Variants in PCDHA12 observed in about 807,000 individuals in gnomAD.
PCDHA12 encodes the protein protocadherin alpha 12.
In PCDHA12, 44 loss-of-function variants were observed where a neutral mutation model predicts 60.0. The ratio of observed to expected loss-of-function variants is 0.73; its 90% confidence interval spans 0.58 to 0.94. PCDHA12 has a LOEUF of 0.94. Ranked by LOEUF, PCDHA12 falls within the 40% of genes least tolerant of loss-of-function variation. The probability of loss-of-function intolerance (pLI) is 0.00; values close to 1 mark genes in which losing one functional copy is unlikely to be tolerated. For synonymous variants in PCDHA12, 569 were observed against 553.0 expected (o/e 1.03, Z -0.40); for missense variants, 1,276 against 1,239.7 (o/e 1.03, Z -0.44).
At position 140,877,317 on chromosome 5, in the gene PCDHA12, G is replaced by A. The variant is rs535177109; in HGVS notation, c.1845G>A (p.Ala615=). Residue 615 remains alanine (A), a synonymous_variant, in exon 1 of 4, where the codon GCG becomes GCA. Transcript: ENST00000398631. ...TGTCCTACGAGTTGCAACCGGCGGC[G>A]GTCGGCGCGCACATCCCGTTCCACG... ...AWLSYELQPA[A]VGAHIPFHVG... 6.2e-7 allele frequency: 1 copy of A among 1,613,886 alleles called. No homozygotes were observed.
rs533995955 is a variant in PCDHA12, at chr5:140,975,833, A to T, written c.2368-3116A>T. On this transcript the variant is annotated intron_variant, in intron 1 of 3. Coordinates refer to ENST00000398631, the MANE Select transcript of PCDHA12 (RefSeq NM_018903.4). ...TTAATAGGAACTGAAGTGTATTCTT[A>T]TTCTTCAGTAATACTACATCACCCA... 2.6e-5 allele frequency among the ~76,000 whole-genome samples: 4 copies of T among 152,336 alleles called. No individual in the cohort carries two copies. In the South Asian group the frequency reaches 8.3e-4, roughly 32 times the overall value.
intron 1 of PCDHA12, among the ~76,000 whole-genome samples, chr5:140,926,141 A>G (rs2082938262): frequency 6.6e-6 from 1 of 152,038 alleles, no homozygotes; most frequent in Non-Finnish European, 1.5e-5. Flanking sequence ...AGCAGGATCC[A>G]GCGCGGAAAG....
intron 1 of PCDHA12, among the ~76,000 whole-genome samples, chr5:140,970,970 T>C (rs1554232920): frequency 1.3e-5 from 2 of 152,170 alleles, no homozygotes; most frequent in African/African-American, 2.4e-5. Flanking sequence ...GATTGTAGAT[T>C]AAGAAAAATG....
intron 1 of PCDHA12, among the ~76,000 whole-genome samples, chr5:140,888,561 G>A (rs2061877783): frequency 6.6e-6 from 1 of 152,156 alleles, no homozygotes; most frequent in South Asian, 2.1e-4. Flanking sequence ...TTCCTTTCAA[G>A]GCTTCATTTT....
At chr5:140,956,717 A>C (rs2153710827) in intron 1 of PCDHA12, among the ~76,000 whole-genome samples, 1 of 152,308 alleles carries the variant, frequency 6.6e-6, no homozygotes. Flanking sequence ...CTTCAGAAGA[A>C]TTGGTACCAG....
At position 140,944,452 on chromosome 5, in the gene PCDHA12, G is replaced by A. The variant is rs147335783; in HGVS notation, c.2368-34497G>A. 1.8e-3 allele frequency among the ~76,000 whole-genome samples: 280 copies of A among 152,282 alleles called. 3 individuals are homozygous for A. Among genetic ancestry groups the A allele is most frequent in the African/African-American group, 6.4e-3 (266 of 41,552 alleles). ...TCTGCCTGCCTCGGCCTCCCAAAGTGCTGGGATTACAGGTATGAGGCACTG... is the reference window on the plus strand; with the variant it reads ...TCTGCCTGCCTCGGCCTCCCAAAGTACTGGGATTACAGGTATGAGGCACTG... On this transcript the variant is annotated intron_variant, in intron 1 of 3. Coordinates refer to ENST00000398631, the MANE Select transcript of PCDHA12 (RefSeq NM_018903.4).
Position 141,010,422 on chromosome 5 carries a change from G to A in PCDHA12, c.*485G>A. The A allele has an allele frequency of 8.7e-7, 1 of 1,145,442 alleles. No homozygotes were observed. Among genetic ancestry groups the A allele is most frequent in the Non-Finnish European group, 1.2e-6 (1 of 836,490 alleles). The allele number at this position is 1,145,442 out of a possible 1,614,324, so 71.0% of individuals were successfully genotyped here. A position where few individuals can be genotyped will look rare whatever the true frequency, so the allele number is the denominator to read the frequency against. On this transcript the variant is annotated 3_prime_UTR_variant, in exon 4 of 4. Transcript: ENST00000398631. ...AGCTTAGACTAATTGGTACAAGGAA[G>A]GCAAGAAAACAAAGACAAATAAACA... is the stretch of plus-strand genomic sequence containing the variant.
At chr5:140,983,340 A>G (rs148799902) in intron 3 of PCDHA12, among the ~76,000 whole-genome samples, 114 of 152,358 alleles carry the variant, frequency 7.5e-4, no homozygotes, top group African/African-American at 2.2e-3. Flanking sequence ...TCACTAAAGC[A>G]GGGTCATGTA....
chr5:140,920,841 T>TAA (rs781921146), intron 1 of PCDHA12, among the ~76,000 whole-genome samples: 36 of 109,202 alleles, frequency 3.3e-4, no homozygotes, highest in African/African-American at 8.5e-4. Flanking sequence ...AGACCAAATC[T>TAA]AAAAAAAAAA....
chr5:140,993,071 G>A (rs1301535845), intron 3 of PCDHA12, among the ~76,000 whole-genome samples: 9 of 152,222 alleles, frequency 5.9e-5, no homozygotes, highest in African/African-American at 2.2e-4. Flanking sequence ...TGTTCCTGCA[G>A]TCTGCAATCA....
At chr5:140,904,314 T>C (rs1554191432) in intron 1 of PCDHA12, among the ~76,000 whole-genome samples, 1 of 152,080 alleles carries the variant, frequency 6.6e-6, no homozygotes, top group Admixed American at 6.6e-5. Flanking sequence ...TTTCTTCACT[T>C]AGAATAATGG....
intron 3 of PCDHA12, among the ~76,000 whole-genome samples, chr5:140,986,222 G>A (rs1554247822): frequency 1.3e-5 from 2 of 152,164 alleles, no homozygotes; most frequent in African/African-American, 4.8e-5. Flanking sequence ...CCTTTCTCTA[G>A]CCTCCCCTCT....
chr5:140,954,046 G>C (rs1554221229), intron 1 of PCDHA12, among the ~76,000 whole-genome samples: 1 of 152,124 alleles, frequency 6.6e-6, no homozygotes, highest in African/African-American at 2.4e-5. Context: ...TTGGTTTTCT[G>C]TTCCTGCATT....
chr5:140,907,037 A>G (rs2073120356), intron 1 of PCDHA12, among the ~76,000 whole-genome samples: 1 of 152,202 alleles, frequency 6.6e-6, no homozygotes, highest in Non-Finnish European at 1.5e-5. Flanking sequence ...ATAATGTCAC[A>G]GGGACAGTAA....
intron 1 of PCDHA12, chr5:140,967,531 T>C (rs1399482021): frequency 3.7e-6 from 6 of 1,613,104 alleles, no homozygotes; most frequent in Non-Finnish European, 4.2e-6. Context: ...ACAACTCTCC[T>C]GCCTTTGACC....
At position 140,875,790 on chromosome 5, in the gene PCDHA12, G is replaced by A. The variant is rs376091049; in HGVS notation, c.318G>A (p.Leu106=). The change falls in exon 1 of 4, where the codon CTG becomes CTA. Residue 106 remains leucine (L), a synonymous_variant. Coordinates refer to ENST00000398631, the MANE Select transcript of PCDHA12 (RefSeq NM_018903.4). The part of the protein sequence containing the change: ...CGRSAECSIH[L]EVIVDRPLQV... Reference sequence around the variant, plus strand: ...GGAGCGCGGAGTGCAGTATCCACCTGGAGGTGATCGTGGACAGGCCGCTGC... The same window carrying A: ...GGAGCGCGGAGTGCAGTATCCACCTAGAGGTGATCGTGGACAGGCCGCTGC... The A allele has an allele frequency of 6.2e-7, 1 of 1,614,214 alleles. No homozygotes were observed. Among genetic ancestry groups the A allele is most frequent in the Non-Finnish European group, 8.5e-7 (1 of 1,180,044 alleles).
intron 1 of PCDHA12, among the ~76,000 whole-genome samples, chr5:140,878,510 A>G (rs781881628): frequency 2.0e-5 from 3 of 152,250 alleles, no homozygotes; most frequent in Non-Finnish European, 4.4e-5. Flanking sequence ...ACGATACAGT[A>G]CAGTTGGTAA....
At chr5:140,978,246 C>G (rs1243560833) in intron 1 of PCDHA12, among the ~76,000 whole-genome samples, 1 of 152,148 alleles carries the variant, frequency 6.6e-6, no homozygotes, top group Admixed American at 6.5e-5. Context: ...TCAGCTACTC[C>G]CTGTTAAACA....
At chr5:140,923,104 A>AT (rs2081172107) in intron 1 of PCDHA12, among the ~76,000 whole-genome samples, 1 of 152,194 alleles carries the variant, frequency 6.6e-6, no homozygotes, top group Admixed American at 6.5e-5. Context: ...TGGGAGTATG[A>AT]TTTTAAGTTT....
Sources: gnomAD v4.1 joint callset for allele counts (sites outside exome capture counted in the v4.1 genomes callset) on GRCh38, gnomAD v4.1.1 for gene constraint, MANE v1.5 for transcripts, NCBI Gene and HGNC (gene_info 2026-07-23, HGNC 2026-07-21) for gene names.